Variants in ASPHD1 observed in about 807,000 individuals in gnomAD.
ASPHD1 encodes aspartate beta-hydroxylase domain containing 1.
A neutral mutation model predicts 28.3 loss-of-function variants in ASPHD1; 20 were observed. That is an observed-to-expected ratio of 0.71 (90% confidence interval 0.50 to 1.03). The LOEUF is 1.03. Ranked by LOEUF, ASPHD1 falls within the 50% of genes least tolerant of loss-of-function variation. The pLI is 0.00. For missense variants in ASPHD1, 479 were observed against 524.1 expected (o/e 0.91, Z 0.84); for synonymous variants, 240 against 221.2 (o/e 1.08, Z -0.75).
intron 3 of ASPHD1, among the ~76,000 whole-genome samples, chr16:29,918,139 A>G (rs2068842143): frequency 6.6e-6 from 1 of 152,242 alleles, no homozygotes; most frequent in Non-Finnish European, 1.5e-5. Flanking sequence ...TGTTGAAGAG[A>G]AAAGACTTAT....
chr16:29,905,824 T>C lies in ASPHD1; in HGVS notation c.1100T>C (p.Val367Ala). 2 of 1,613,824 alleles carry C rather than the reference T, an allele frequency of 1.2e-6. No individual in the cohort carries two copies. The highest frequency in any genetic ancestry group is 1.7e-6 in the Non-Finnish European group (2 of 1,179,900). ...PEDGPRVVFIVDLWHPNVAGA... is the reference protein window; with the variant it reads ...PEDGPRVVFIADLWHPNVAGA... The stretch of plus-strand genomic sequence containing the variant: ...GATGGGCCTCGAGTGGTCTTCATCG[T>C]GGACCTCTGGCACCCCAACGTGGCA... Residue 367 changes from valine (V) to alanine (A), a missense_variant, in exon 3 of 3, where the codon GTG becomes GCG. Transcript: ENST00000308748.
intron 3 of ASPHD1, chr16:29,912,431 T>C: frequency 3.5e-6 from 1 of 285,766 alleles, no homozygotes; most frequent in Non-Finnish European, 6.5e-6. Context: ...TCCTGCCTTT[T>C]GTGTTATCAG....
chr16:29,908,141 G>A (rs529020451), downstream of ASPHD1, among the ~76,000 whole-genome samples: 18 of 152,142 alleles, frequency 1.2e-4, no homozygotes, highest in Non-Finnish European at 1.8e-4. Flanking sequence ...GAGTGGGGGA[G>A]GGGACAAGGC....
downstream of ASPHD1, chr16:29,906,945 C>T: frequency 1.2e-6 from 2 of 1,614,096 alleles, no homozygotes; most frequent in Non-Finnish European, 1.7e-6. Context: ...ATGGATCCTG[C>T]GGACACGGTG....
downstream of ASPHD1, among the ~76,000 whole-genome samples, chr16:29,909,163 C>T (rs969857448): frequency 6.6e-6 from 1 of 152,170 alleles, no homozygotes; most frequent in African/African-American, 2.4e-5. Context: ...AAGGAACTAA[C>T]ACCTCGCTGC....
chr16:29,905,925 G>A lies in ASPHD1; in HGVS notation c.*28G>A. ...GAAGGTGCTCCCTTCACACACCCAG[G>A]CTGGAGAGACACTGCGCTCAGGGAC... On this transcript the variant is annotated 3_prime_UTR_variant, in exon 3 of 3. Coordinates refer to ENST00000308748, the MANE Select transcript of ASPHD1 (RefSeq NM_181718.4). 6.3e-7 allele frequency: 1 copy of A among 1,582,898 alleles called. No homozygotes were observed. Among genetic ancestry groups the A allele is most frequent in the Non-Finnish European group, 8.7e-7 (1 of 1,154,586 alleles).
Position 29,900,793 on chromosome 16 carries a change from C to T in ASPHD1, c.-179C>T, listed in dbSNP as rs1397442614. 13 of 625,946 alleles carry T rather than the reference C, an allele frequency of 2.1e-5. No homozygotes were observed. The Admixed American group carries it at 3.4e-4, about 16-fold the overall frequency. The allele number at this position is 625,946 out of a possible 1,614,324, so 38.8% of individuals were successfully genotyped here. A position where few individuals can be genotyped will look rare whatever the true frequency, so the allele number is the denominator to read the frequency against. On this transcript the variant is annotated 5_prime_UTR_variant, in exon 1 of 3. Coordinates refer to ENST00000308748, the MANE Select transcript of ASPHD1 (RefSeq NM_181718.4). ...GGAGGAAGCGGGGAGAGAGAGCGAG[C>T]GAAAAGCGGGGGTGGGGAGGAAAGG...
chr16:29,902,066 C>T, intron 1 of ASPHD1, 146 bp downstream of exon 1: 1 of 601,448 alleles, frequency 1.7e-6, no homozygotes, highest in Non-Finnish European at 2.6e-6. Context: ...GCAGCATTTC[C>T]TCAGCCTCGG....
chr16:29,909,792 G>A (rs189990708), downstream of ASPHD1, among the ~76,000 whole-genome samples: 193 of 151,648 alleles, frequency 1.3e-3, 1 homozygote, highest in Non-Finnish European at 3.4e-4. Flanking sequence ...GGGCTAGGGC[G>A]GGCCCGGTGG....
chr16:29,907,167 C>G, downstream of ASPHD1: 2 of 1,254,584 alleles, frequency 1.6e-6, no homozygotes, highest in Non-Finnish European at 2.3e-6. Flanking sequence ...CAGGGCCATC[C>G]CCCTGCCTAG....
chr16:29,903,332 G>C (rs2068571716), intron 1 of ASPHD1, among the ~76,000 whole-genome samples: 1 of 151,884 alleles, frequency 6.6e-6, no homozygotes, highest in Non-Finnish European at 1.5e-5. Flanking sequence ...CTCCAGCCTG[G>C]GCAACAAGAG....
At chr16:29,911,148 TC>T (rs1196058057) in intron 3 of ASPHD1, 1 of 1,614,034 alleles carries the variant, frequency 6.2e-7, no homozygotes, top group Non-Finnish European at 8.5e-7. Flanking sequence ...AGCTCGATGT[TC>T]TTAAGTAGGT....
intron 1 of ASPHD1, among the ~76,000 whole-genome samples, chr16:29,902,887 T>TC (rs1392068197): frequency 7.9e-5 from 11 of 139,738 alleles, no homozygotes; most frequent in South Asian, 2.2e-4. Context: ...TTTTTTCTTT[T>TC]TCTTTTTTTT....
intron 3 of ASPHD1, chr16:29,911,243 C>T (rs1166642313): frequency 8.2e-7 from 1 of 1,213,174 alleles, no homozygotes; most frequent in Non-Finnish European, 1.2e-6. Context: ...AGAAGACGGG[C>T]CTGGATGCAT....
At chr16:29,911,586 G>A (rs992459399) in intron 3 of ASPHD1, 12 of 596,318 alleles carry the variant, frequency 2.0e-5, no homozygotes, top group Admixed American at 6.0e-5. Flanking sequence ...GGATAGGCTC[G>A]CCACTATCAC....
At chr16:29,915,605 CAAAA>C (rs200326928) in intron 3 of ASPHD1, among the ~76,000 whole-genome samples, 2 of 118,942 alleles carry the variant, frequency 1.7e-5, no homozygotes, top group African/African-American at 3.1e-5. Flanking sequence ...TGAGCTATCT[CAAAA>C]AAAAAAAAAA....
chr16:29,909,879 G>A (rs1416543786), downstream of ASPHD1, among the ~76,000 whole-genome samples: 2 of 151,682 alleles, frequency 1.3e-5, no homozygotes, highest in Non-Finnish European at 2.9e-5. Flanking sequence ...ATACCAGCCT[G>A]ACCAACATGG....
At chr16:29,918,491 G>C (rs1251990239) in intron 3 of ASPHD1, among the ~76,000 whole-genome samples, 1 of 152,022 alleles carries the variant, frequency 6.6e-6, no homozygotes, top group Admixed American at 6.6e-5. Flanking sequence ...TTTATTTTGA[G>C]ACAGAGTCTT....
chr16:29,900,795 A>G lies in ASPHD1; in HGVS notation c.-177A>G, dbSNP rs1224457292. Reference sequence around the variant, plus strand: ...AGGAAGCGGGGAGAGAGAGCGAGCGAAAAGCGGGGGTGGGGAGGAAAGGGG... The same window carrying G: ...AGGAAGCGGGGAGAGAGAGCGAGCGGAAAGCGGGGGTGGGGAGGAAAGGGG... On this transcript the variant is annotated 5_prime_UTR_variant, in exon 1 of 3. Coordinates refer to ENST00000308748, the MANE Select transcript of ASPHD1 (RefSeq NM_181718.4). 3.3e-5 allele frequency: 21 copies of G among 641,566 alleles called. No homozygotes were observed. The highest frequency in any genetic ancestry group is 5.6e-5 in the Non-Finnish European group (21 of 375,624). The allele number at this position is 641,566 out of a possible 1,614,324, so 39.7% of individuals were successfully genotyped here.
Sources: gnomAD v4.1 joint callset for allele counts (sites outside exome capture counted in the v4.1 genomes callset) on GRCh38, gnomAD v4.1.1 for gene constraint, MANE v1.5 for transcripts, NCBI Gene and HGNC (gene_info 2026-07-23, HGNC 2026-07-21) for gene names.